Variants in NIPBL observed in about 807,000 individuals in gnomAD.
NIPBL encodes nipped-B-like protein.
In NIPBL, 19 loss-of-function variants were observed where a neutral mutation model predicts 321.8. The observed-to-expected ratio is 0.06, with a 90% confidence interval of 0.04 to 0.09. The LOEUF (loss-of-function observed/expected upper bound fraction) is 0.09. Ranked by LOEUF, NIPBL falls within the 10% of genes least tolerant of loss-of-function variation. The pLI is 1.00. For missense variants in NIPBL, 2,210 were observed against 3,327.0 expected (o/e 0.66, Z 8.26); for synonymous variants, 1,106 against 1,114.1 (o/e 0.99, Z 0.14).
chr5:37,014,960 GA>G (rs879847984), intron 22 of NIPBL, among the ~76,000 whole-genome samples, 195 bp downstream of exon 22: 2 of 147,774 alleles, frequency 1.4e-5, no homozygotes, highest in African/African-American at 5.4e-5. Context: ...CTACACGGGG[GA>G]AAAAAATCTA....
Position 36,961,390 on chromosome 5 carries a change from C to G in NIPBL, c.359-94C>G. 7 of 809,722 alleles carry G rather than the reference C, an allele frequency of 8.6e-6. No individual in the cohort carries two copies. In the South Asian group the frequency reaches 9.9e-5, roughly 11 times the overall value. The allele number at this position is 809,722 out of a possible 1,614,324, so 50.2% of individuals were successfully genotyped here. A position where few individuals can be genotyped will look rare whatever the true frequency, so the allele number is the denominator to read the frequency against. On this transcript the variant is annotated intron_variant, in intron 4 of 46. Coordinates refer to ENST00000282516, the MANE Select transcript of NIPBL (RefSeq NM_133433.4). ...ATGAAAACATTGATCAAAAAAATCT[C>G]TGGAATGTTTGAAAGAATAACTGAT... is the stretch of plus-strand genomic sequence containing the variant.
At chr5:36,915,929 A>G (rs530168197) in intron 1 of NIPBL, among the ~76,000 whole-genome samples, 63 of 152,194 alleles carry the variant, frequency 4.1e-4, no homozygotes, top group Non-Finnish European at 8.2e-4. Flanking sequence ...ATATTTTATC[A>G]TTTATTATCA....
intron 32 of NIPBL, 42 bp from the exon 33 acceptor site, chr5:37,036,337 A>G (rs1180449653): frequency 2.4e-5 from 11 of 460,488 alleles, no homozygotes; most frequent in African/African-American, 3.2e-5. Context: ...TCTTTTTTGT[A>G]TATATATATG....
Position 36,953,857 on chromosome 5 carries a change from A to T in NIPBL, c.64+97A>T, listed in dbSNP as rs1434614764. On this transcript the variant is annotated intron_variant, in intron 2 of 46. Coordinates refer to ENST00000282516, the MANE Select transcript of NIPBL (RefSeq NM_133433.4). ...AAAATTATTATAGGTTCTTTAAAAC[A>T]CATTTACAGAAATAGCAACTGAAAC... 5 of 1,081,878 alleles carry T rather than the reference A, an allele frequency of 4.6e-6. No homozygotes were observed. In the African/African-American group the frequency reaches 7.8e-5, roughly 17 times the overall value. The allele number at this position is 1,081,878 out of a possible 1,614,324, so 67.0% of individuals were successfully genotyped here.
At chr5:36,989,948 T>G (rs937934741) in intron 10 of NIPBL, among the ~76,000 whole-genome samples, 1 of 148,996 alleles carries the variant, frequency 6.7e-6, no homozygotes, top group East Asian at 1.9e-4. Flanking sequence ...ATTTTGTTGT[T>G]TTTTTTTTTA....
intron 32 of NIPBL, among the ~76,000 whole-genome samples, chr5:37,033,269 G>T (rs1247945315): frequency 6.6e-6 from 1 of 152,076 alleles, no homozygotes; most frequent in Non-Finnish European, 1.5e-5. Context: ...ATTGTAAAAT[G>T]TATATGGAAA....
At chr5:36,885,274 C>T (rs1745804933) in intron 1 of NIPBL, 1 of 508,784 alleles carries the variant, frequency 2.0e-6, no homozygotes, top group African/African-American at 2.0e-5. Flanking sequence ...AGCCACCCAG[C>T]TATGGTGCCT....
At position 36,995,782 on chromosome 5, in the gene NIPBL, T is replaced by A; in HGVS notation, c.3282T>A (p.Asn1094Lys). The A allele has an allele frequency of 6.2e-7, 1 of 1,613,386 alleles. No individual in the cohort carries two copies. Among genetic ancestry groups the A allele is most frequent in the African/African-American group, 1.3e-5 (1 of 75,008 alleles). ...CTGAAATCAGTTCAGATGAAGATAA[T>A]GATAGTGATGAAGCTTTTGAATGTA... ...KYAEISSDEDNDSDEAFESSR... is the reference protein window; with the variant it reads ...KYAEISSDEDKDSDEAFESSR... Residue 1094 changes from asparagine (N) to lysine (K), a missense_variant, in exon 11 of 47, where the codon AAT becomes AAA. Around this residue, in one of 14 missense-constraint regions of NIPBL, gnomAD observed 381 missense variants for 642.3 expected, o/e 0.59. Transcript: ENST00000282516.
At position 36,931,035 on chromosome 5, in the gene NIPBL, C is replaced by T. The variant is rs187340122; in HGVS notation, c.-79-22583C>T. On this transcript the variant is annotated intron_variant, in intron 1 of 46. Transcript: ENST00000282516. ...TCTGTCTGGCTTTGGTGATACCAGACTCAGCTGGGAAATATTCTCTAGTTT... is the reference window on the plus strand; with the variant it reads ...TCTGTCTGGCTTTGGTGATACCAGATTCAGCTGGGAAATATTCTCTAGTTT... Among the ~76,000 whole-genome samples, 167 of 152,234 alleles carry T rather than the reference C, an allele frequency of 1.1e-3. 1 individual carries two copies. Among genetic ancestry groups the T allele is most frequent in the African/African-American group, 3.8e-3 (157 of 41,562 alleles).
intron 1 of NIPBL, among the ~76,000 whole-genome samples, chr5:36,878,827 G>C (rs1745291981): frequency 6.6e-6 from 1 of 152,112 alleles, no homozygotes; most frequent in Non-Finnish European, 1.5e-5. Context: ...TATTGGTCAG[G>C]GAGCAGTTTG....
chr5:36,993,186 A>G (rs186151358), intron 10 of NIPBL, among the ~76,000 whole-genome samples: 197 of 152,334 alleles, frequency 1.3e-3, no homozygotes, highest in Non-Finnish European at 2.1e-3. Flanking sequence ...AACAGCGTTC[A>G]CTTTTGGAGG....
At chr5:36,990,909 G>A (rs1406491629) in intron 10 of NIPBL, among the ~76,000 whole-genome samples, 1 of 151,868 alleles carries the variant, frequency 6.6e-6, no homozygotes, top group Non-Finnish European at 1.5e-5. Context: ...AACAGCTAAG[G>A]AGCTAGCAAA....
chr5:36,928,709 A>G (rs1270285440), intron 1 of NIPBL, among the ~76,000 whole-genome samples: 1 of 152,186 alleles, frequency 6.6e-6, no homozygotes, highest in East Asian at 1.9e-4. Context: ...AGTCCTGGCA[A>G]CTACTGATCT....
chr5:36,961,225 A>C (rs1224497714), intron 4 of NIPBL, among the ~76,000 whole-genome samples: 1 of 152,206 alleles, frequency 6.6e-6, no homozygotes, highest in Non-Finnish European at 1.5e-5. Flanking sequence ...AAATAATAGA[A>C]TATTGAGTAA....
chr5:36,896,272 A>G (rs1746729249), intron 1 of NIPBL, among the ~76,000 whole-genome samples: 1 of 152,182 alleles, frequency 6.6e-6, no homozygotes, highest in South Asian at 2.1e-4. Context: ...TCTCAATTTT[A>G]TTCCATCAGT....
intron 9 of NIPBL, among the ~76,000 whole-genome samples, chr5:36,979,432 A>G (rs1012937982): frequency 4.0e-5 from 6 of 151,756 alleles, no homozygotes; most frequent in South Asian, 4.1e-4. Flanking sequence ...TTTTGGTACA[A>G]TTATTTTGTA....
intron 34 of NIPBL, among the ~76,000 whole-genome samples, chr5:37,040,049 A>G (rs1752159693): frequency 6.6e-6 from 1 of 152,136 alleles, no homozygotes; most frequent in Admixed American, 6.5e-5. Flanking sequence ...AAGCTTAAAG[A>G]ATATAAATAA....
chr5:36,984,271 TA>T (rs1420792263), intron 9 of NIPBL, among the ~76,000 whole-genome samples: 1 of 152,068 alleles, frequency 6.6e-6, no homozygotes, highest in Non-Finnish European at 1.5e-5. Flanking sequence ...GGCTAACAGT[TA>T]AAAGTAACCT....
chr5:37,003,664 G>C (rs1222324701), intron 16 of NIPBL, among the ~76,000 whole-genome samples: 1 of 151,404 alleles, frequency 6.6e-6, no homozygotes, highest in Non-Finnish European at 1.5e-5. Flanking sequence ...CATTAGGGAG[G>C]GACTAATGTG....
Sources: allele counts gnomAD v4.1 joint callset (sites outside exome capture counted in the v4.1 genomes callset), GRCh38; gene constraint gnomAD v4.1.1; regional missense constraint gnomAD v4.1.1; transcripts MANE v1.5; gene names NCBI Gene and HGNC (gene_info 2026-07-23, HGNC 2026-07-21).